SERPINB9: variants seen among roughly 807,000 people sequenced by gnomAD.
SERPINB9 encodes serpin B9.
In SERPINB9, 20 loss-of-function variants were observed where a neutral mutation model predicts 27.2. The observed-to-expected ratio is 0.74, with a 90% CI of 0.52 to 1.07. The LOEUF (loss-of-function observed/expected upper bound fraction) is 1.07. SERPINB9 is among the 50% of genes least tolerant of loss of function. The pLI, the probability that SERPINB9 is intolerant of heterozygous loss-of-function variation, is 0.00. For missense variants in SERPINB9, 476 were observed against 460.1 expected (o/e 1.03, Z -0.32); for synonymous variants, 189 against 180.0 (o/e 1.05, Z -0.40).
chr6:2,888,249 G>A lies in SERPINB9; in HGVS notation c.*1914C>T, dbSNP rs1355094881. ...ACATTGCTGGTGGGAATGTGGAATG[G>A]TTCAACTGCTGTGGAAAACAGTTTG... is the stretch of plus-strand genomic sequence containing the variant. On this transcript the variant is annotated 3_prime_UTR_variant, in exon 7 of 7. Coordinates refer to ENST00000380698, the MANE Select transcript of SERPINB9 (RefSeq NM_004155.6). The A allele has an allele frequency of 6.6e-6, 1 of 152,184 alleles. No homozygotes were observed. The highest frequency in any genetic ancestry group is 1.5e-5 in the Non-Finnish European group (1 of 68,038). The allele number at this position is 152,184 out of a possible 1,614,324, so 9.4% of individuals were successfully genotyped here.
intron 4 of SERPINB9, among the ~76,000 whole-genome samples, chr6:2,893,812 C>T (rs1313039634): frequency 6.6e-6 from 1 of 152,110 alleles, no homozygotes; most frequent in Non-Finnish European, 1.5e-5. Context: ...AGAAAAATTA[C>T]ACCAGGTTGG....
In SERPINB9 at chr6:2,894,170, C is replaced by T. The variant is rs1235915079; in HGVS notation, c.425-617G>A. 6.6e-6 allele frequency among the ~76,000 whole-genome samples: 1 copy of T among 152,126 alleles called. No homozygotes were observed. The highest frequency in any genetic ancestry group is 1.5e-5 in the Non-Finnish European group (1 of 68,034). On this transcript the variant is annotated intron_variant, in intron 4 of 6. Transcript: ENST00000380698. This position sits in a 1 kb window ranked among gnomAD's most constrained non-coding sequence, Gnocchi z 4.7. ...AACTGAGGGCATCCCTGCTAACCCA[C>T]TGCCTGAAGAGAGCATCCGTGGTAA... is the stretch of plus-strand genomic sequence containing the variant.
rs183393614 is a variant in SERPINB9, at chr6:2,902,259, G to A, written c.-11+942C>T. ...GCCCGGAGGCTCTGATTCCCACCCT[G>A]GAGGAGGTTCTCTTGACCCCGCCGG... On this transcript the variant is annotated intron_variant, in intron 1 of 6. Transcript: ENST00000380698. Among the ~76,000 whole-genome samples the A allele has an allele frequency of 6.6e-5, 10 of 152,268 alleles. No homozygotes were observed. The South Asian group carries it at 1.0e-3, about 16-fold the overall frequency.
intron 2 of SERPINB9, among the ~76,000 whole-genome samples, chr6:2,899,356 A>G (rs1157019461): frequency 6.6e-6 from 1 of 152,136 alleles, no homozygotes; most frequent in Non-Finnish European, 1.5e-5. Context: ...GGACTCTAAA[A>G]ACCTACGCTC....
At chr6:2,899,249 T>TA (rs1011148757) in intron 2 of SERPINB9, among the ~76,000 whole-genome samples, 1 of 152,010 alleles carries the variant, frequency 6.6e-6, no homozygotes, top group Admixed American at 6.6e-5. Context: ...TCACTAATAT[T>TA]AAAAAAACAA....
chr6:2,895,234 G>A (rs1336150816), intron 4 of SERPINB9, among the ~76,000 whole-genome samples, 157 bp downstream of exon 4: 1 of 152,184 alleles, frequency 6.6e-6, no homozygotes, highest in Non-Finnish European at 1.5e-5. Context: ...TGAAATTAGA[G>A]GGGGCGGAGT....
chr6:2,896,241 G>A, intron 2 of SERPINB9, 51 bp from the exon 3 acceptor site: 2 of 1,565,552 alleles, frequency 1.3e-6, no homozygotes, highest in Non-Finnish European at 1.7e-6. Flanking sequence ...TTTGATGGCT[G>A]GGGAGAGGAG....
intron 2 of SERPINB9, among the ~76,000 whole-genome samples, chr6:2,897,763 C>A (rs1444365879): frequency 6.6e-6 from 1 of 152,022 alleles, no homozygotes; most frequent in Non-Finnish European, 1.5e-5. Context: ...AGACAGCCAC[C>A]CACCACATGT....
intron 1 of SERPINB9, among the ~76,000 whole-genome samples, chr6:2,901,340 G>T (rs1768195330): frequency 6.6e-6 from 1 of 152,212 alleles, no homozygotes; most frequent in Non-Finnish European, 1.5e-5. Context: ...GGACAATTGT[G>T]TGGTTTTGCT....
rs150242161 is a variant in SERPINB9, at chr6:2,891,887, C to A, written c.669G>T (p.Arg223Ser). Residue 223 changes from arginine to serine, a missense_variant, in exon 6 of 7, where the codon AGG becomes AGT. Physicochemically the swap from Arg to Ser is moderately radical, Grantham distance 110. Coordinates refer to ENST00000380698, the MANE Select transcript of SERPINB9 (RefSeq NM_004155.6). This position sits in a 1 kb window ranked among gnomAD's most constrained non-coding sequence, Gnocchi z 4.0. ...RAQLLELPYA[R>S]KELSLLVLLP... Reference sequence around the variant, plus strand: ...GCAGCACCAGCAGGCTCAGCTCCTTCCTGGCGTAGGGCAGCTCCAGCAGCT... The same window carrying A: ...GCAGCACCAGCAGGCTCAGCTCCTTACTGGCGTAGGGCAGCTCCAGCAGCT... The A allele has an allele frequency of 7.4e-6, 12 of 1,612,332 alleles. No homozygotes were observed. In the African/African-American group the frequency reaches 1.1e-4, roughly 14 times the overall value.
At position 2,888,113 on chromosome 6, in the gene SERPINB9, T is replaced by C. The variant is rs898706594; in HGVS notation, c.*2050A>G. 2.0e-5 allele frequency: 3 copies of C among 152,050 alleles called. No individual in the cohort carries two copies. In the East Asian group the frequency reaches 5.8e-4, roughly 29 times the overall value. 9.4% of individuals were successfully genotyped at this position (152,050 alleles called of 1,614,324 possible). ...TAGGAAATGCAAATAAAAAACACAA[T>C]GAGATACCACTTCACACCCACTAAG... On this transcript the variant is annotated 3_prime_UTR_variant, in exon 7 of 7. Transcript: ENST00000380698.
intron 1 of SERPINB9, among the ~76,000 whole-genome samples, chr6:2,900,965 T>A (rs1391982927): frequency 6.6e-6 from 1 of 151,782 alleles, no homozygotes; most frequent in Non-Finnish European, 1.5e-5. Flanking sequence ...TCGTCCCATC[T>A]GAGGAGGAGA....
chr6:2,901,834 A>T (rs1768214075), intron 1 of SERPINB9, among the ~76,000 whole-genome samples: 1 of 151,804 alleles, frequency 6.6e-6, no homozygotes, highest in African/African-American at 2.4e-5. Context: ...TGGTCTCCCT[A>T]GAGCCACTCC....
rs35916133 is a variant in SERPINB9, at chr6:2,887,846, CAA to C, written c.*2315_*2316del. The C allele has an allele frequency of 3.8e-4, 24 of 62,426 alleles. No individual in the cohort carries two copies. Among genetic ancestry groups the C allele is most frequent in the South Asian group, 1.3e-3 (2 of 1,570 alleles). 3.9% of individuals were successfully genotyped at this position (62,426 alleles called of 1,614,324 possible). A position where few individuals can be genotyped will look rare whatever the true frequency, so the allele number is the denominator to read the frequency against. ...TGGGTGACAGAGTGAGGCACTGTCT[CAA>C]AAAAAAAAAAAAAAAAAAAAAAGAT... On this transcript the variant is annotated 3_prime_UTR_variant, in exon 7 of 7. Transcript: ENST00000380698.
chr6:2,887,995 CAAAT>C lies in SERPINB9; in HGVS notation c.*2164_*2167del, dbSNP rs1581188835. The C allele has an allele frequency of 6.6e-6, 1 of 151,730 alleles. No homozygotes were observed. Among genetic ancestry groups the C allele is most frequent in the South Asian group, 2.1e-4 (1 of 4,794 alleles). 9.4% of individuals were successfully genotyped at this position (151,730 alleles called of 1,614,324 possible). ...CTGTCACTCGTGTTCTAAAAACAAA[CAAAT>C]GTCTTTCATCTCATTTTTTACTCAG... On this transcript the variant is annotated 3_prime_UTR_variant, in exon 7 of 7. Coordinates refer to ENST00000380698, the MANE Select transcript of SERPINB9 (RefSeq NM_004155.6).
At chr6:2,902,068 T>G (rs1768224875) in intron 1 of SERPINB9, among the ~76,000 whole-genome samples, 1 of 152,160 alleles carries the variant, frequency 6.6e-6, no homozygotes, top group African/African-American at 2.4e-5. Context: ...AAACGGTGTC[T>G]TACCCACCTG....
chr6:2,898,741 G>C (rs73345433), intron 2 of SERPINB9, among the ~76,000 whole-genome samples: 9 of 151,912 alleles, frequency 5.9e-5, no homozygotes, highest in African/African-American at 1.2e-4. Flanking sequence ...GTGAACTCGG[G>C]GGGTGGAGCT....
Position 2,901,759 on chromosome 6 carries a change from G to A in SERPINB9, c.-10-1138C>T, listed in dbSNP as rs1349263077. Among the ~76,000 whole-genome samples the A allele has an allele frequency of 4.7e-5, 7 of 149,812 alleles. No homozygotes were observed. The South Asian group carries it at 8.5e-4, about 18-fold the overall frequency. On this transcript the variant is annotated intron_variant, in intron 1 of 6. Transcript: ENST00000380698. ...CCCATCCCCAAGGCCTGCCCTCTAC[G>A]CCCACATTTCTTCCCACTTCGGATT... is the stretch of plus-strand genomic sequence containing the variant.
intron 2 of SERPINB9, among the ~76,000 whole-genome samples, chr6:2,898,962 A>G (rs1046204763): frequency 3.3e-5 from 5 of 152,210 alleles, no homozygotes; most frequent in Admixed American, 1.3e-4. Flanking sequence ...CAGTTATATA[A>G]TGAAGGAAAA....
Sources: allele counts gnomAD v4.1 joint callset (sites outside exome capture counted in the v4.1 genomes callset), GRCh38; gene constraint gnomAD v4.1.1; non-coding constraint Gnocchi (gnomAD v3.1); transcripts MANE v1.5; gene names NCBI Gene and HGNC (gene_info 2026-07-23, HGNC 2026-07-21).